FRMD5: variants seen among roughly 807,000 people sequenced by gnomAD.
The protein encoded by FRMD5 is FERM domain-containing protein 5.
FRMD5 carries 20 observed loss-of-function variants against 69.0 expected under a neutral mutation model. The observed-to-expected ratio is 0.29, with a 90% CI of 0.20 to 0.42. The LOEUF is 0.42. Among genes scored for constraint, FRMD5 ranks in the 10% least tolerant of loss-of-function variants. The pLI is 1.00. For synonymous variants in FRMD5, 271 were observed against 260.1 expected (o/e 1.04, Z -0.40); for missense variants, 595 against 708.6 (o/e 0.84, Z 1.82).
At chr15:44,120,241 T>G (rs2076927882) in intron 1 of FRMD5, among the ~76,000 whole-genome samples, 1 of 152,144 alleles carries the variant, frequency 6.6e-6, no homozygotes, top group African/African-American at 2.4e-5. Context: ...TGGAATCACT[T>G]TGCCAGAAAT....
intron 13 of FRMD5, among the ~76,000 whole-genome samples, chr15:43,882,366 C>CT (rs369563676): frequency 0.024 from 3,643 of 148,972 alleles, 143 homozygotes; most frequent in African/African-American, 0.084. Flanking sequence ...AAATTTCTTT[C>CT]TTTTTTTTTT....
intron 1 of FRMD5, among the ~76,000 whole-genome samples, chr15:44,185,209 T>A (rs2078078742): frequency 6.6e-6 from 1 of 152,206 alleles, no homozygotes; most frequent in Admixed American, 6.5e-5. Flanking sequence ...ATTTCACATG[T>A]ACTAGAATCT....
At chr15:44,130,147 AC>A (rs1412979976) in intron 1 of FRMD5, among the ~76,000 whole-genome samples, 1 of 151,848 alleles carries the variant, frequency 6.6e-6, no homozygotes, top group Non-Finnish European at 1.5e-5. Context: ...TCCCCTCTAA[AC>A]CCATCATGCT....
At chr15:43,935,988 G>T (rs1425947254) in intron 1 of FRMD5, among the ~76,000 whole-genome samples, 1 of 152,136 alleles carries the variant, frequency 6.6e-6, no homozygotes, top group African/African-American at 2.4e-5. Flanking sequence ...ACCTGAAAAA[G>T]TGACTTGGGA....
intron 5 of FRMD5, among the ~76,000 whole-genome samples, chr15:43,906,883 G>C (rs977208749): frequency 6.6e-6 from 1 of 152,100 alleles, no homozygotes; most frequent in Non-Finnish European, 1.5e-5. Flanking sequence ...TTACAGGCGT[G>C]AGCCACCGCA....
In FRMD5 at chr15:44,068,288, C is replaced by T. The variant is rs77368733; in HGVS notation, c.102+126665G>A. The stretch of plus-strand genomic sequence containing the variant: ...ACATATAGCCACACAAACTTGCGCA[C>T]AAATGTTCATAGCAGCATTATACAT... On this transcript the variant is annotated intron_variant, in intron 1 of 13. Coordinates refer to ENST00000417257, the MANE Select transcript of FRMD5 (RefSeq NM_032892.5). Among the ~76,000 whole-genome samples, 1,128 of 152,158 alleles carry T rather than the reference C, an allele frequency of 7.4e-3. 21 individuals carry two copies. Among genetic ancestry groups the T allele is most frequent in the African/African-American group, 0.026 (1,081 of 41,510 alleles).
At chr15:44,059,394 T>G (rs1452244838) in intron 1 of FRMD5, among the ~76,000 whole-genome samples, 2 of 152,182 alleles carry the variant, frequency 1.3e-5, no homozygotes, top group Non-Finnish European at 2.9e-5. Context: ...GAACTAGAAT[T>G]TTCTCTGGGC....
intron 13 of FRMD5, among the ~76,000 whole-genome samples, chr15:43,880,944 C>T (rs1301461805): frequency 6.6e-6 from 1 of 152,216 alleles, no homozygotes; most frequent in Non-Finnish European, 1.5e-5. Flanking sequence ...GGGGACCTGA[C>T]TCAGCCTCAG....
At chr15:44,159,973 T>C (rs531636589) in intron 1 of FRMD5, among the ~76,000 whole-genome samples, 1 of 152,318 alleles carries the variant, frequency 6.6e-6, no homozygotes, top group Admixed American at 6.5e-5. Context: ...AGTGGCAGCA[T>C]CTATCATCAA....
intron 1 of FRMD5, among the ~76,000 whole-genome samples, chr15:44,007,212 A>G (rs1194282559): frequency 6.6e-6 from 1 of 152,172 alleles, no homozygotes; most frequent in Admixed American, 6.5e-5. Context: ...ATTAAAATAT[A>G]TAAATGTTTT....
intron 1 of FRMD5, among the ~76,000 whole-genome samples, chr15:44,059,003 G>A (rs1892983998): frequency 6.6e-6 from 1 of 152,118 alleles, no homozygotes; most frequent in African/African-American, 2.4e-5. Flanking sequence ...CAAAGAGCCA[G>A]GATCTTTGAG....
rs577025024 is a variant in FRMD5, at chr15:44,044,292, G to A, written c.103-119983C>T. On this transcript the variant is annotated intron_variant, in intron 1 of 13. Coordinates refer to ENST00000417257, the MANE Select transcript of FRMD5 (RefSeq NM_032892.5). ...AACAAGAGATGCTGGAGAGGATGTG[G>A]GGAAATAGGAACACTTTTACACTGT... Among the ~76,000 whole-genome samples, 12 of 152,274 alleles carry A rather than the reference G, an allele frequency of 7.9e-5. No individual in the cohort carries two copies. In the South Asian group the frequency reaches 2.5e-3, roughly 32 times the overall value.
At position 44,074,019 on chromosome 15, in the gene FRMD5, C is replaced by T. The variant is rs558772790; in HGVS notation, c.102+120934G>A. 7.2e-5 allele frequency among the ~76,000 whole-genome samples: 11 copies of T among 152,276 alleles called. No individual in the cohort carries two copies. The East Asian group carries it at 1.9e-3, about 27-fold the overall frequency. On this transcript the variant is annotated intron_variant, in intron 1 of 13. Coordinates refer to ENST00000417257, the MANE Select transcript of FRMD5 (RefSeq NM_032892.5). ...AAAAGGAGCCAAGAACTTAAGGCCT[C>T]ATTCTAGAATACCCTCTCCAAGCCC...
chr15:44,087,678 A>G (rs1052090765), intron 1 of FRMD5, among the ~76,000 whole-genome samples: 6 of 152,164 alleles, frequency 3.9e-5, no homozygotes, highest in African/African-American at 4.8e-5. Context: ...TTATTCATTT[A>G]TTTTAAATGC....
chr15:43,989,531 T>C (rs927042088), intron 1 of FRMD5: 29 of 900,284 alleles, frequency 3.2e-5, no homozygotes, highest in South Asian at 1.0e-4. Flanking sequence ...CAGGGTGACA[T>C]AGCACAGCTT....
chr15:44,171,682 C>T (rs551358463), intron 1 of FRMD5, among the ~76,000 whole-genome samples: 2 of 152,316 alleles, frequency 1.3e-5, no homozygotes, highest in South Asian at 4.1e-4. Flanking sequence ...ATTCCAGCCT[C>T]TGTCTTTCTA....
At position 44,079,055 on chromosome 15, in the gene FRMD5, C is replaced by T. The variant is rs78686754; in HGVS notation, c.102+115898G>A. On this transcript the variant is annotated intron_variant, in intron 1 of 13. Coordinates refer to ENST00000417257, the MANE Select transcript of FRMD5 (RefSeq NM_032892.5). ...AATTGACATTCAGATATATAGAGAA[C>T]TCCTATAACCCAATAACAAAAAACA... 4.8e-3 allele frequency among the ~76,000 whole-genome samples: 731 copies of T among 152,122 alleles called. 12 individuals are homozygous for T. The highest frequency in any genetic ancestry group is 0.017 in the African/African-American group (700 of 41,522).
intron 1 of FRMD5, among the ~76,000 whole-genome samples, chr15:44,156,299 A>C (rs2077526960): frequency 6.6e-6 from 1 of 152,036 alleles, no homozygotes; most frequent in Non-Finnish European, 1.5e-5. Flanking sequence ...AGGCGCCACC[A>C]CGCCCAACCA....
intron 1 of FRMD5, among the ~76,000 whole-genome samples, chr15:44,076,994 C>T (rs369863869): frequency 6.6e-6 from 1 of 151,836 alleles, no homozygotes; most frequent in Admixed American, 6.6e-5. Context: ...CAGATTTATT[C>T]TTGGATATAG....
Sources: gnomAD v4.1 joint callset for allele counts (sites outside exome capture counted in the v4.1 genomes callset) on GRCh38, gnomAD v4.1.1 for gene constraint, MANE v1.5 for transcripts, NCBI Gene and HGNC (gene_info 2026-07-23, HGNC 2026-07-21) for gene names.